LUZP2: variants seen among roughly 807,000 people sequenced by gnomAD.
The protein encoded by LUZP2 is leucine zipper protein 2.
In LUZP2, 52 loss-of-function variants were observed where a neutral mutation model predicts 51.6. The ratio of observed to expected loss-of-function variants is 1.01; its 90% CI spans 0.81 to 1.27. The LOEUF is 1.27. Ranked by LOEUF, LUZP2 falls within the 50% of genes most tolerant of loss-of-function variation. LUZP2 has a pLI of 0.00. For missense variants in LUZP2, 436 were observed against 395.4 expected (o/e 1.10, Z -0.87); for synonymous variants, 154 against 137.3 (o/e 1.12, Z -0.85).
chr11:24,759,955 T>C (rs1294509228), intron 4 of LUZP2, among the ~76,000 whole-genome samples: 1 of 152,120 alleles, frequency 6.6e-6, no homozygotes, highest in African/African-American at 2.4e-5. Context: ...CTTGGTTTTA[T>C]ATGTTTTAGG....
chr11:24,675,508 G>C (rs1022529601), intron 1 of LUZP2, among the ~76,000 whole-genome samples: 2 of 152,054 alleles, frequency 1.3e-5, no homozygotes, highest in East Asian at 3.9e-4. Flanking sequence ...TTGCCATAGA[G>C]TACTTTCAAA....
At chr11:24,991,070 C>T (rs1165688234) in intron 9 of LUZP2, among the ~76,000 whole-genome samples, 1 of 151,952 alleles carries the variant, frequency 6.6e-6, no homozygotes, top group Admixed American at 6.6e-5. Context: ...CACCCATCAA[C>T]AGAGCAGTAT....
At chr11:24,983,745 G>T (rs1856107562) in intron 9 of LUZP2, among the ~76,000 whole-genome samples, 1 of 149,612 alleles carries the variant, frequency 6.7e-6, no homozygotes, top group Non-Finnish European at 1.5e-5. Context: ...TTTTAAAAGT[G>T]TGTTTAGGTG....
chr11:24,999,319 G>A (rs1856605065), intron 9 of LUZP2, among the ~76,000 whole-genome samples: 1 of 151,766 alleles, frequency 6.6e-6, no homozygotes, highest in Non-Finnish European at 1.5e-5. Context: ...TGAGAGAAGG[G>A]AAGAAGAAGG....
rs188605821 is a variant in LUZP2 at position 24,743,075 on chromosome 11, A to G, written c.333+4773A>G. ...ATATGCCTATTTGTATACCAATACT[A>G]TGCTGTTTTTGTGACTATGGGCTTA... On this transcript the variant is annotated intron_variant, in intron 4 of 11. Coordinates refer to ENST00000336930, the MANE Select transcript of LUZP2 (RefSeq NM_001009909.4). 1.1e-4 allele frequency among the ~76,000 whole-genome samples: 17 copies of G among 152,176 alleles called. No individual in the cohort carries two copies. The East Asian group carries it at 2.7e-3, about 24-fold the overall frequency.
At chr11:24,784,279 AT>A (rs912917242) in intron 5 of LUZP2, among the ~76,000 whole-genome samples, 4 of 151,626 alleles carry the variant, frequency 2.6e-5, no homozygotes, top group East Asian at 1.9e-4. Context: ...AGATCTTTTT[AT>A]TTTTTATTAC....
intron 1 of LUZP2, among the ~76,000 whole-genome samples, chr11:24,649,964 CAT>C (rs1375117795): frequency 4.1e-5 from 5 of 120,686 alleles, no homozygotes; most frequent in Non-Finnish European, 6.7e-5. Flanking sequence ...CAGACACACA[CAT>C]ACACACAGAG....
intron 5 of LUZP2, among the ~76,000 whole-genome samples, chr11:24,842,634 C>A (rs1357384818): frequency 1.3e-5 from 2 of 151,922 alleles, no homozygotes; most frequent in African/African-American, 2.4e-5. Flanking sequence ...AATAATATTT[C>A]TTTTTCTTTT....
At chr11:24,654,469 G>T (rs573553489) in intron 1 of LUZP2, among the ~76,000 whole-genome samples, 7 of 151,754 alleles carry the variant, frequency 4.6e-5, no homozygotes, top group African/African-American at 1.7e-4. Context: ...AAACTCGAAT[G>T]CAGTGGCACG....
intron 5 of LUZP2, among the ~76,000 whole-genome samples, chr11:24,778,680 G>A (rs1849009642): frequency 6.6e-6 from 1 of 152,124 alleles, no homozygotes; most frequent in African/African-American, 2.4e-5. Context: ...AGGAAGAAAG[G>A]AAGGAAAGAT....
At chr11:24,906,601 A>G (rs575381997) in intron 6 of LUZP2, among the ~76,000 whole-genome samples, 1 of 152,286 alleles carries the variant, frequency 6.6e-6, no homozygotes, top group Admixed American at 6.5e-5. Flanking sequence ...TCTCATCTCC[A>G]AGTCTATTCT....
chr11:24,963,217 C>T lies in LUZP2; in HGVS notation c.523-13374C>T, dbSNP rs58070060. Among the ~76,000 whole-genome samples, 361 of 152,266 alleles carry T rather than the reference C, an allele frequency of 2.4e-3. 1 individual carries two copies. Among genetic ancestry groups the T allele is most frequent in the African/African-American group, 8.1e-3 (337 of 41,552 alleles). On this transcript the variant is annotated intron_variant, in intron 7 of 11. Coordinates refer to ENST00000336930, the MANE Select transcript of LUZP2 (RefSeq NM_001009909.4). ...TAGGCTGCTCAGGGGTCAGGGGTCA[C>T]GGACCCACTTGAGGAGGCAGTCTGC...
At position 24,665,674 on chromosome 11, in the gene LUZP2, T is replaced by A. The variant is rs141167529; in HGVS notation, c.63-63495T>A. On this transcript the variant is annotated intron_variant, in intron 1 of 11. Coordinates refer to ENST00000336930, the MANE Select transcript of LUZP2 (RefSeq NM_001009909.4). ...CGCTCGGATGGTTTTACACAAGGCT[T>A]CCCTCTTTGCTTGGCTCTCATTCTT... Among the ~76,000 whole-genome samples the A allele has an allele frequency of 2.4e-3, 366 of 152,228 alleles. 4 individuals carry two copies. Among genetic ancestry groups the A allele is most frequent in the African/African-American group, 8.3e-3 (343 of 41,536 alleles).
At chr11:24,867,393 G>C (rs1332157797) in intron 5 of LUZP2, among the ~76,000 whole-genome samples, 1 of 152,162 alleles carries the variant, frequency 6.6e-6, no homozygotes, top group East Asian at 1.9e-4. Context: ...TTTTGCCTCT[G>C]AAGTTGCTTC....
chr11:24,559,126 A>G (rs759823057), intron 1 of LUZP2, among the ~76,000 whole-genome samples: 15 of 152,154 alleles, frequency 9.9e-5, no homozygotes, highest in Non-Finnish European at 2.1e-4. Flanking sequence ...TCACATTATA[A>G]TGTATGGAAT....
At chr11:24,919,886 A>G (rs1283529046) in intron 7 of LUZP2, among the ~76,000 whole-genome samples, 2 of 151,622 alleles carry the variant, frequency 1.3e-5, no homozygotes, top group Admixed American at 6.6e-5. Flanking sequence ...GTTGAATTTA[A>G]GAATTATTTT....
chr11:24,914,419 C>A (rs1853733741), intron 6 of LUZP2, 57 bp from the exon 7 acceptor site: 1 of 1,275,488 alleles, frequency 7.8e-7, no homozygotes, highest in Non-Finnish European at 1.1e-6. Flanking sequence ...GTATTTTAAT[C>A]TTCAAGTTTG....
intron 4 of LUZP2, among the ~76,000 whole-genome samples, chr11:24,751,107 A>G (rs781462847): frequency 6.6e-6 from 1 of 152,184 alleles, no homozygotes; most frequent in Non-Finnish European, 1.5e-5. Context: ...CATTCATTAA[A>G]TGCATATTTA....
At chr11:25,035,520 A>T (rs1164603206) in intron 9 of LUZP2, among the ~76,000 whole-genome samples, 1 of 152,026 alleles carries the variant, frequency 6.6e-6, no homozygotes, top group Non-Finnish European at 1.5e-5. Context: ...CAAAACACTG[A>T]TGAAAAAAAA....
Sources: allele counts gnomAD v4.1 joint callset (sites outside exome capture counted in the v4.1 genomes callset), GRCh38; gene constraint gnomAD v4.1.1; transcripts MANE v1.5; gene names NCBI Gene and HGNC (gene_info 2026-07-23, HGNC 2026-07-21).